Variants in TAF2 observed in about 807,000 individuals in gnomAD.
TAF2 encodes transcription initiation factor TFIID subunit 2.
Under a neutral mutation model 138.5 loss-of-function variants are expected in TAF2, and 61 were observed. The observed-to-expected ratio is 0.44, with a 90% confidence interval of 0.36 to 0.54. The LOEUF (loss-of-function observed/expected upper bound fraction) is 0.54. TAF2 is among the 20% of genes least tolerant of loss of function. The pLI is 0.00. For missense variants in TAF2, 1,090 were observed against 1,427.9 expected (o/e 0.76, Z 3.81); for synonymous variants, 475 against 469.9 (o/e 1.01, Z -0.14).
At chr8:119,818,732 CCACACACACACACA>C (rs199991010) in intron 3 of TAF2, among the ~76,000 whole-genome samples, 14 of 110,900 alleles carry the variant, frequency 1.3e-4, no homozygotes, top group South Asian at 3.0e-4. Flanking sequence ...AAAATGAAGT[CCACACACACACACA>C]CACACACACA....
intron 7 of TAF2, 31 bp from the exon 8 acceptor site, chr8:119,797,134 T>C (rs1231957631): frequency 1.4e-6 from 2 of 1,429,592 alleles, no homozygotes; most frequent in Admixed American, 1.7e-5. Flanking sequence ...AAGCTCATTA[T>C]AACCAAGAAA....
At chr8:119,744,619 T>C in intron 23 of TAF2, 2 of 549,974 alleles carry the variant, frequency 3.6e-6, no homozygotes, top group Non-Finnish European at 6.5e-6. Flanking sequence ...TAATAGCAAC[T>C]AAAATCTACT....
intron 25 of TAF2, among the ~76,000 whole-genome samples, chr8:119,734,887 T>A (rs1819123069): frequency 6.6e-6 from 1 of 152,166 alleles, no homozygotes; most frequent in African/African-American, 2.4e-5. Flanking sequence ...AGCTGCAACC[T>A]AAAGGAAGAA....
rs781276198 is a variant in TAF2 at position 119,791,456 on chromosome 8, C to A, written c.1281G>T (p.Pro427=). Residue 427 remains proline, a synonymous_variant, in exon 11 of 26, where the codon CCG becomes CCT. Coordinates refer to ENST00000378164, the MANE Select transcript of TAF2 (RefSeq NM_003184.4). ...IFGGGKEKDN[P]ASHLHFSIKH... ...TTATTGAAAAGTGTAGATGGGAAGC[C>A]GGACTAAAAAAAATAAACACATTTA... is the stretch of plus-strand genomic sequence containing the variant. 6.2e-7 allele frequency: 1 copy of A among 1,611,496 alleles called. No individual in the cohort carries two copies. The highest frequency in any genetic ancestry group is 1.1e-5 in the South Asian group (1 of 90,918).
chr8:119,760,501 T>A (rs1820987958), intron 20 of TAF2, 98 bp downstream of exon 20: 2 of 1,285,480 alleles, frequency 1.6e-6, no homozygotes. Flanking sequence ...AATTAAAATA[T>A]CTGTGTTATA....
chr8:119,822,079 A>T (rs1825835363), intron 2 of TAF2, among the ~76,000 whole-genome samples: 1 of 152,124 alleles, frequency 6.6e-6, no homozygotes, highest in Admixed American at 6.6e-5. Context: ...GCTGGCATCT[A>T]GTATTTGCTT....
chr8:119,814,354 G>A (rs1825300455), intron 3 of TAF2, among the ~76,000 whole-genome samples: 2 of 150,568 alleles, frequency 1.3e-5, no homozygotes, highest in Non-Finnish European at 3.0e-5. Context: ...ATCAATAAGG[G>A]AATTACCAAT....
At chr8:119,745,182 C>A (rs1000567609) in intron 23 of TAF2, 30 of 341,238 alleles carry the variant, frequency 8.8e-5, no homozygotes, top group Non-Finnish European at 1.5e-4. Context: ...TAAATGTAAT[C>A]TTTTCTTGTC....
Position 119,761,367 on chromosome 8 carries a change from T to G in TAF2, c.2559-629A>C, listed in dbSNP as rs200167042. On this transcript the variant is annotated intron_variant, in intron 19 of 25. Coordinates refer to ENST00000378164, the MANE Select transcript of TAF2 (RefSeq NM_003184.4). ...ACACCATCTAGTTTGTGTAAATATATGCTGTGACATTTGCATAAACAACAA... is the reference window on the plus strand; with the variant it reads ...ACACCATCTAGTTTGTGTAAATATAGGCTGTGACATTTGCATAAACAACAA... Among the ~76,000 whole-genome samples the G allele has an allele frequency of 9.8e-5, 15 of 152,312 alleles. No individual in the cohort carries two copies. The East Asian group carries it at 2.9e-3, about 29-fold the overall frequency.
rs561165530 is a variant in TAF2, at chr8:119,744,223, A to G, written c.3214+65T>C. 36 of 1,337,300 alleles carry G rather than the reference A, an allele frequency of 2.7e-5. No individual in the cohort carries two copies. The African/African-American group carries it at 4.6e-4, about 17-fold the overall frequency. 82.8% of individuals were successfully genotyped at this position (1,337,300 alleles called of 1,614,324 possible). ...TGTTCATTTGAAAATAAAGTAACAC[A>G]CATTAGAATACTGACATCAACCAAT... On this transcript the variant is annotated intron_variant, in intron 24 of 25. Coordinates refer to ENST00000378164, the MANE Select transcript of TAF2 (RefSeq NM_003184.4).
intron 2 of TAF2, among the ~76,000 whole-genome samples, chr8:119,824,982 C>T (rs1389754359): frequency 1.3e-5 from 2 of 152,238 alleles, no homozygotes; most frequent in African/African-American, 2.4e-5. Context: ...TACTGAGGCA[C>T]CACCTAGTGG....
intron 18 of TAF2, among the ~76,000 whole-genome samples, chr8:119,774,372 T>TA (rs1243888313): frequency 6.6e-6 from 1 of 152,182 alleles, no homozygotes; most frequent in Non-Finnish European, 1.5e-5. Flanking sequence ...CTATGACATA[T>TA]AGGCTATTTA....
Position 119,791,385 on chromosome 8 carries a change from C to G in TAF2, c.1352G>C (p.Cys451Ser). The change falls in exon 11 of 26, where the codon TGT (cysteine) becomes TCT (serine). Residue 451 changes from cysteine (C) to serine (S), a missense_variant. Cys to Ser is a moderately radical substitution (Grantham distance 112). This residue lies in a region of TAF2 where 504 missense variants were observed against 680.9 expected (regional missense o/e 0.74). Transcript: ENST00000378164. ...LSWEYYSMFQ[C>S]KAHLVMRLIE... ...CAATCTCATCACAAGGTGGGCTTTA[C>G]ACTGAAACATACTGTAGTATTCCCA... 1 of 1,613,800 alleles carries G rather than the reference C, an allele frequency of 6.2e-7. No homozygotes were observed. Among genetic ancestry groups the G allele is most frequent in the Non-Finnish European group, 8.5e-7 (1 of 1,179,880 alleles).
intron 8 of TAF2, among the ~76,000 whole-genome samples, chr8:119,796,611 C>CTT (rs1586463126): frequency 6.6e-6 from 1 of 151,944 alleles, no homozygotes; most frequent in East Asian, 1.9e-4. Context: ...CATTTAAGTT[C>CTT]TTTTATTTAT....
chr8:119,788,360 G>C lies in TAF2; in HGVS notation c.1771C>G (p.Pro591Ala). 1 of 1,613,088 alleles carries C rather than the reference G, an allele frequency of 6.2e-7. No homozygotes were observed. Among genetic ancestry groups the C allele is most frequent in the Non-Finnish European group, 8.5e-7 (1 of 1,179,540 alleles). Residue 591 changes from proline to alanine, a missense_variant, in exon 14 of 26, where the codon CCC (proline) becomes GCC (alanine). Physicochemically the swap from Pro to Ala is conservative, Grantham distance 27. Around this residue, in one of 3 missense-constraint regions of TAF2, gnomAD observed 6 missense variants for 27.3 expected, o/e 0.22. Transcript: ENST00000378164. ...IEENSLKHDIPCHSKSRRNKK... is the reference protein window; with the variant it reads ...IEENSLKHDIACHSKSRRNKK... ...TACCTTCTACTTTTGGAATGGCAGG[G>C]TATATCATGTTTAAGGCTGTTTTCT... is the stretch of plus-strand genomic sequence containing the variant.
intron 23 of TAF2, among the ~76,000 whole-genome samples, chr8:119,745,466 C>T (rs990766492): frequency 6.6e-5 from 10 of 151,546 alleles, no homozygotes; most frequent in African/African-American, 2.4e-4. Context: ...TTTAAATTGA[C>T]AACAAATAAG....
At position 119,831,773 on chromosome 8, in the gene TAF2, T is replaced by G. The variant is rs989451764; in HGVS notation, c.84-42A>C. ...AAAAAGAAAATAAGGAAAAAATAAT[T>G]TTTATTATTAAATCAAAGTATAATT... On this transcript the variant is annotated intron_variant, in intron 1 of 25. Transcript: ENST00000378164. 5 of 1,296,474 alleles carry G rather than the reference T, an allele frequency of 3.9e-6. No homozygotes were observed. In the African/African-American group the frequency reaches 5.9e-5, roughly 15 times the overall value. The allele number at this position is 1,296,474 out of a possible 1,614,324, so 80.3% of individuals were successfully genotyped here.
intron 18 of TAF2, chr8:119,762,862 T>C: frequency 3.1e-6 from 1 of 321,732 alleles, no homozygotes; most frequent in Admixed American, 4.7e-5. Context: ...ATAAAGAAAC[T>C]GGAGGGTTAA....
chr8:119,811,036 G>A (rs1424830069), intron 3 of TAF2, among the ~76,000 whole-genome samples: 3 of 152,078 alleles, frequency 2.0e-5, no homozygotes, highest in Non-Finnish European at 4.4e-5. Flanking sequence ...AAATTACAGT[G>A]TAAAATTATA....
Sources: gnomAD v4.1 joint callset for allele counts (sites outside exome capture counted in the v4.1 genomes callset) on GRCh38, gnomAD v4.1.1 for gene constraint, gnomAD v4.1.1 regional missense constraint, MANE v1.5 for transcripts, NCBI Gene and HGNC (gene_info 2026-07-23, HGNC 2026-07-21) for gene names.